NRXN3: variants seen among roughly 807,000 people sequenced by gnomAD.
The protein encoded by NRXN3 is neurexin 3.
NRXN3 carries 32 observed loss-of-function variants against 137.6 expected under a neutral mutation model. The observed-to-expected ratio is 0.23, with a 90% confidence interval of 0.18 to 0.31. The LOEUF is 0.31. NRXN3 is among the 10% of genes least tolerant of loss of function. The pLI is 1.00. For missense variants in NRXN3, 1,574 were observed against 2,062.5 expected, an observed-to-expected ratio of 0.76 and a Z score of 4.59; for synonymous variants, 798 against 784.5, an observed-to-expected ratio of 1.02 and a Z score of -0.29.
At chr14:78,646,916 G>A (rs957566824) in intron 5 of NRXN3, among the ~76,000 whole-genome samples, 1 of 152,214 alleles carries the variant, frequency 6.6e-6, no homozygotes, top group Non-Finnish European at 1.5e-5. Flanking sequence ...TTACATGAGA[G>A]CTGCAGAGAC....
chr14:79,376,220 A>G (rs1418302185), intron 15 of NRXN3, among the ~76,000 whole-genome samples: 429 of 4,926 alleles, frequency 0.087, 18 homozygotes, highest in East Asian at 0.32. Flanking sequence ...GTATGTATAT[A>G]TATATATATA....
At chr14:79,126,893 T>A (rs992499161) in intron 15 of NRXN3, among the ~76,000 whole-genome samples, 71 of 152,208 alleles carry the variant, frequency 4.7e-4, no homozygotes, top group Non-Finnish European at 9.3e-4. Flanking sequence ...GGTATCTCAT[T>A]GTGGTTTTGA....
intron 15 of NRXN3, among the ~76,000 whole-genome samples, chr14:79,421,191 C>T (rs2095570893): frequency 6.6e-6 from 1 of 152,118 alleles, no homozygotes; most frequent in African/African-American, 2.4e-5. Context: ...AAAGGGTATA[C>T]TTCAATTTCT....
chr14:79,394,363 A>C (rs2094950327), intron 15 of NRXN3, among the ~76,000 whole-genome samples: 1 of 152,224 alleles, frequency 6.6e-6, no homozygotes, highest in Non-Finnish European at 1.5e-5. Context: ...TCTCGTGATT[A>C]GTCAGGTACA....
chr14:79,043,980 A>T (rs1026501272), intron 15 of NRXN3, among the ~76,000 whole-genome samples: 38 of 152,138 alleles, frequency 2.5e-4, no homozygotes, highest in African/African-American at 8.7e-4. Context: ...GCATCTGAGG[A>T]TGACCCACTA....
chr14:79,296,261 T>C (rs1416436180), intron 15 of NRXN3, among the ~76,000 whole-genome samples: 1 of 152,142 alleles, frequency 6.6e-6, no homozygotes, highest in Non-Finnish European at 1.5e-5. Flanking sequence ...ACATACAGTA[T>C]TTTAATGCAC....
At chr14:79,217,141 A>AAAAAGAAAGAAAGAAAGAAAG (rs1555869920) in intron 15 of NRXN3, among the ~76,000 whole-genome samples, 1 of 149,596 alleles carries the variant, frequency 6.7e-6, no homozygotes, top group Non-Finnish European at 1.5e-5. Context: ...TGTCTCAAAA[A>AAAAAGAAAGAAAGAAAGAAAG]AAAGAAAGAA....
chr14:79,231,933 A>G (rs922754406), intron 15 of NRXN3, among the ~76,000 whole-genome samples: 9 of 152,176 alleles, frequency 5.9e-5, no homozygotes, highest in African/African-American at 2.2e-4. Context: ...TGAGATTTCA[A>G]CAGCTAAGTG....
intron 15 of NRXN3, among the ~76,000 whole-genome samples, chr14:79,148,548 C>A (rs8015623): frequency 0.98 from 149,701 of 152,242 alleles, 73,649 homozygotes; most frequent in Middle Eastern, 1. Context: ...TCCCTTGTCC[C>A]TCATCTTCTT....
At chr14:79,582,688 G>A (rs988958073) in intron 16 of NRXN3, among the ~76,000 whole-genome samples, 3 of 152,014 alleles carry the variant, frequency 2.0e-5, no homozygotes, top group Admixed American at 2.0e-4. Flanking sequence ...CAAAGTGCTG[G>A]GATTACATGC....
intron 15 of NRXN3, among the ~76,000 whole-genome samples, chr14:79,132,521 C>T (rs1016368491): frequency 6.6e-6 from 1 of 152,064 alleles, no homozygotes; most frequent in Non-Finnish European, 1.5e-5. Context: ...GTTAATTATA[C>T]CTATTTCTCC....
At chr14:78,739,179 A>C (rs1332605417) in intron 8 of NRXN3, among the ~76,000 whole-genome samples, 1 of 152,234 alleles carries the variant, frequency 6.6e-6, no homozygotes, top group Non-Finnish European at 1.5e-5. Context: ...CATGACCAAG[A>C]ATAGTAGTTT....
intron 14 of NRXN3, among the ~76,000 whole-genome samples, chr14:78,986,328 T>C (rs2099504405): frequency 6.6e-6 from 1 of 152,196 alleles, no homozygotes; most frequent in Non-Finnish European, 1.5e-5. Flanking sequence ...TTATACTGAA[T>C]ATTAAGATAT....
chr14:78,395,635 T>G (rs1028950954), intron 4 of NRXN3, among the ~76,000 whole-genome samples: 1 of 151,954 alleles, frequency 6.6e-6, no homozygotes, highest in East Asian at 1.9e-4. Flanking sequence ...CTAATTGGAT[T>G]TATCTCATTT....
At chr14:79,233,300 G>T (rs1266814632) in intron 15 of NRXN3, among the ~76,000 whole-genome samples, 1 of 152,108 alleles carries the variant, frequency 6.6e-6, no homozygotes, top group Admixed American at 6.6e-5. Flanking sequence ...CATGTGGTGG[G>T]AGTCAACTGT....
intron 4 of NRXN3, among the ~76,000 whole-genome samples, chr14:78,308,607 T>C (rs1229278699): frequency 6.6e-6 from 1 of 152,066 alleles, no homozygotes; most frequent in African/African-American, 2.4e-5. Context: ...TGTCTGACAA[T>C]CAAAATATTT....
intron 8 of NRXN3, among the ~76,000 whole-genome samples, chr14:78,771,124 G>T (rs781273111): frequency 1.1e-4 from 17 of 152,206 alleles, no homozygotes; most frequent in Non-Finnish European, 2.2e-4. Flanking sequence ...AACCCCTTCA[G>T]AGGTGGCACC....
At chr14:78,615,863 G>A (rs938213973) in intron 4 of NRXN3, among the ~76,000 whole-genome samples, 1 of 152,198 alleles carries the variant, frequency 6.6e-6, no homozygotes, top group African/African-American at 2.4e-5. Flanking sequence ...GGGAGACTAA[G>A]GCAGGAGGAT....
chr14:79,821,866 G>T (rs1021938486), intron 20 of NRXN3, among the ~76,000 whole-genome samples: 2 of 151,880 alleles, frequency 1.3e-5, no homozygotes, highest in South Asian at 4.1e-4. Flanking sequence ...TCAATCCCAG[G>T]TGTCCTAAAT....
Sources: allele counts gnomAD v4.1 joint callset (sites outside exome capture counted in the v4.1 genomes callset), GRCh38; gene constraint gnomAD v4.1.1; transcripts MANE v1.5; gene names NCBI Gene and HGNC (gene_info 2026-07-23, HGNC 2026-07-21).